The following ZBTB7C variants were observed in gnomAD, a reference collection of about 807,000 sequenced individuals.
The protein encoded by ZBTB7C is zinc finger and BTB domain-containing protein 7C.
ZBTB7C carries 8 observed loss-of-function variants against 25.7 expected under a neutral mutation model. The ratio of observed to expected loss-of-function variants is 0.31; its 90% confidence interval spans 0.18 to 0.56. The LOEUF (loss-of-function observed/expected upper bound fraction) is 0.56, where lower values mean the gene tolerates loss of function less well. Ranked by LOEUF, ZBTB7C falls within the 20% of genes least tolerant of loss-of-function variation. The pLI, the probability that ZBTB7C is intolerant of heterozygous loss-of-function variation, is 0.91. For synonymous variants in ZBTB7C, 394 were observed against 369.0 expected (o/e 1.07, Z -0.78); for missense variants, 824 against 855.2 (o/e 0.96, Z 0.46).
intron 2 of ZBTB7C, among the ~76,000 whole-genome samples, chr18:48,265,769 C>T (rs2044295053): frequency 6.6e-6 from 1 of 152,170 alleles, no homozygotes; most frequent in Admixed American, 6.5e-5. Context: ...AGCATTCAGT[C>T]CATGGGAGAC....
chr18:48,338,867 A>C (rs1170391491), intron 1 of ZBTB7C, among the ~76,000 whole-genome samples: 1 of 149,578 alleles, frequency 6.7e-6, no homozygotes, highest in Non-Finnish European at 1.5e-5. Context: ...TAACTCTTCT[A>C]TCCCAGATCT....
chr18:48,193,740 G>A (rs970248602), intron 2 of ZBTB7C, among the ~76,000 whole-genome samples: 5 of 152,226 alleles, frequency 3.3e-5, no homozygotes, highest in Non-Finnish European at 7.3e-5. Flanking sequence ...ACTGAAACAA[G>A]GTGGCAGGCG....
chr18:48,308,103 C>T (rs528506972), intron 2 of ZBTB7C, among the ~76,000 whole-genome samples: 3 of 152,272 alleles, frequency 2.0e-5, no homozygotes, highest in South Asian at 4.1e-4. Flanking sequence ...CCAAAAGACA[C>T]CAGCCATGTA....
At chr18:48,068,490 G>T (rs1051137074) in intron 3 of ZBTB7C, among the ~76,000 whole-genome samples, 1 of 141,202 alleles carries the variant, frequency 7.1e-6, no homozygotes, top group Admixed American at 7.3e-5. Context: ...CTCAGAAGCT[G>T]TTAAAAAAAA....
intron 1 of ZBTB7C, 150 bp downstream of exon 1, chr18:48,409,076 A>C (rs1457666767): frequency 6.6e-6 from 1 of 150,822 alleles, no homozygotes; most frequent in Admixed American, 6.6e-5. Flanking sequence ...GCCTCCTAGC[A>C]ACGGCCCCCG....
intron 3 of ZBTB7C, among the ~76,000 whole-genome samples, chr18:48,138,997 G>A (rs1308331666): frequency 6.6e-6 from 1 of 152,144 alleles, no homozygotes; most frequent in East Asian, 1.9e-4. Flanking sequence ...AGCACAGGCG[G>A]ACTGGAGAGT....
At chr18:48,384,387 A>G (rs2047699852) in intron 1 of ZBTB7C, among the ~76,000 whole-genome samples, 1 of 152,234 alleles carries the variant, frequency 6.6e-6, no homozygotes, top group African/African-American at 2.4e-5. Context: ...TCAGAACACG[A>G]CTGGTGAAGC....
chr18:48,038,213 G>A (rs1375278038), intron 4 of ZBTB7C, among the ~76,000 whole-genome samples: 2 of 152,102 alleles, frequency 1.3e-5, no homozygotes, highest in Non-Finnish European at 2.9e-5. Flanking sequence ...ATTGCCGGGT[G>A]GCTGGCCTAG....
At position 48,335,311 on chromosome 18, in the gene ZBTB7C, G is replaced by A. The variant is rs185824606; in HGVS notation, c.-79+2863C>T. Among the ~76,000 whole-genome samples the A allele has an allele frequency of 7.9e-5, 12 of 152,264 alleles. No individual in the cohort carries two copies. In the East Asian group the frequency reaches 2.1e-3, roughly 27 times the overall value. On this transcript the variant is annotated intron_variant, in intron 2 of 4. Transcript: ENST00000590800. ...TTACTTCTTGAAATTGATCGTCACGGGGCAATTATTCATTATTTTATTTAG... is the reference window on the plus strand; with the variant it reads ...TTACTTCTTGAAATTGATCGTCACGAGGCAATTATTCATTATTTTATTTAG...
intron 2 of ZBTB7C, among the ~76,000 whole-genome samples, chr18:48,307,549 C>T (rs2045704561): frequency 6.6e-6 from 1 of 152,212 alleles, no homozygotes; most frequent in Non-Finnish European, 1.5e-5. Context: ...ATGTATAATG[C>T]TGTTTAAAAC....
chr18:48,280,602 A>G (rs1295185685), intron 2 of ZBTB7C, among the ~76,000 whole-genome samples: 1 of 152,028 alleles, frequency 6.6e-6, no homozygotes, highest in Non-Finnish European at 1.5e-5. Context: ...GACTAGCCAC[A>G]CCCCCAACTC....
intron 2 of ZBTB7C, among the ~76,000 whole-genome samples, chr18:48,312,718 C>T (rs1048713715): frequency 6.6e-5 from 10 of 152,090 alleles, no homozygotes; most frequent in South Asian, 4.2e-4. Flanking sequence ...GGAGTCAGTG[C>T]GGGTCATGTC....
In ZBTB7C at chr18:48,171,226, C is replaced by T. The variant is rs193087710; in HGVS notation, c.-17+14708G>A. On this transcript the variant is annotated intron_variant, in intron 3 of 4. Transcript: ENST00000590800. ...CCCCAAGTTAAACAAGAGGACAAAGCCCAGCTTGTGGCTTCTTCCCCGAGC... is the reference window on the plus strand; with the variant it reads ...CCCCAAGTTAAACAAGAGGACAAAGTCCAGCTTGTGGCTTCTTCCCCGAGC... Among the ~76,000 whole-genome samples the T allele has an allele frequency of 4.6e-3, 702 of 152,276 alleles. 5 individuals are homozygous for T. Among genetic ancestry groups the T allele is most frequent in the Non-Finnish European group, 6.4e-3 (435 of 68,026 alleles).
chr18:48,049,252 T>C (rs570317041), intron 3 of ZBTB7C, among the ~76,000 whole-genome samples: 3 of 152,240 alleles, frequency 2.0e-5, no homozygotes, highest in Non-Finnish European at 4.4e-5. Context: ...GAACATGAAG[T>C]GCTGGTGTAG....
intron 2 of ZBTB7C, among the ~76,000 whole-genome samples, chr18:48,239,992 C>A (rs570191254): frequency 1.3e-5 from 2 of 152,096 alleles, no homozygotes; most frequent in Admixed American, 1.3e-4. Flanking sequence ...ACAAAAAAAT[C>A]TCCAGAGAAA....
chr18:48,029,498 G>A lies in ZBTB7C; in HGVS notation c.1622C>T (p.Ala541Val), dbSNP rs745531397. Residue 541 changes from alanine to valine, a missense_variant, in exon 5 of 5, where the codon GCC (alanine) becomes GTC (valine). By Grantham distance (64) the Ala-to-Val change is moderately conservative. Around this residue, in one of 4 missense-constraint regions of ZBTB7C, gnomAD observed 342 missense variants for 307.0 expected, o/e 1.11. Transcript: ENST00000590800. Reference sequence around the variant, plus strand: ...CCGCTCCAGCTCTTGCAGGCTCAGGGCGCCCTTGGGCGCTGCCAGGAAGTG... The same window carrying A: ...CCGCTCCAGCTCTTGCAGGCTCAGGACGCCCTTGGGCGCTGCCAGGAAGTG... ...AKHFLAAPKG[A>V]LSLQELERQF... The A allele has an allele frequency of 1.3e-6, 2 of 1,591,162 alleles. No individual in the cohort carries two copies. The highest frequency in any genetic ancestry group is 1.7e-5 in the Admixed American group (1 of 58,344).
At position 48,187,294 on chromosome 18, in the gene ZBTB7C, C is replaced by T. The variant is rs149582260; in HGVS notation, c.-78-1299G>A. Reference sequence around the variant, plus strand: ...AGCATTGTTCACAATAGCCAAAAGACGGAGGGAAGTCAAACGTCTATTGGG... The same window carrying T: ...AGCATTGTTCACAATAGCCAAAAGATGGAGGGAAGTCAAACGTCTATTGGG... On this transcript the variant is annotated intron_variant, in intron 2 of 4. Transcript: ENST00000590800. 2.7e-4 allele frequency among the ~76,000 whole-genome samples: 41 copies of T among 152,216 alleles called. 1 individual carries two copies. Among genetic ancestry groups the T allele is most frequent in the African/African-American group, 9.2e-4 (38 of 41,526 alleles).
intron 3 of ZBTB7C, among the ~76,000 whole-genome samples, chr18:48,081,866 A>T (rs1416489643): frequency 6.6e-6 from 1 of 152,054 alleles, no homozygotes; most frequent in Non-Finnish European, 1.5e-5. Flanking sequence ...TTGAAGATTT[A>T]GTACCAAAAA....
chr18:48,337,836 G>A (rs1247301910), intron 2 of ZBTB7C, among the ~76,000 whole-genome samples: 1 of 152,134 alleles, frequency 6.6e-6, no homozygotes, highest in Non-Finnish European at 1.5e-5. Context: ...TGAACTCCCT[G>A]TTTCCCACAG....
Sources: allele counts gnomAD v4.1 joint callset (sites outside exome capture counted in the v4.1 genomes callset), GRCh38; gene constraint gnomAD v4.1.1; regional missense constraint gnomAD v4.1.1; transcripts MANE v1.5; gene names NCBI Gene and HGNC (gene_info 2026-07-23, HGNC 2026-07-21).